The following CRPPA variants were observed in gnomAD, a reference collection of about 807,000 sequenced individuals.
CRPPA encodes D-ribitol-5-phosphate cytidylyltransferase.
A neutral mutation model predicts 52.0 loss-of-function variants in CRPPA; 43 were observed. The observed-to-expected ratio is 0.83, with a 90% CI of 0.65 to 1.07. The LOEUF (loss-of-function observed/expected upper bound fraction) is 1.07, where lower values mean the gene tolerates loss of function less well. Among genes scored for constraint, CRPPA ranks in the 50% least tolerant of loss-of-function variants. CRPPA has a pLI of 0.00. For synonymous variants in CRPPA, 250 were observed against 203.5 expected (o/e 1.23, Z -1.94); for missense variants, 629 against 551.7 (o/e 1.14, Z -1.40).
At chr7:16,273,308 C>A (rs1441795645) in intron 6 of CRPPA, among the ~76,000 whole-genome samples, 1 of 151,996 alleles carries the variant, frequency 6.6e-6, no homozygotes, top group East Asian at 1.9e-4. Context: ...GCTCTCCCTG[C>A]CTCCCATCTT....
At chr7:16,209,224 C>A (rs958897636) in intron 9 of CRPPA, 1 of 299,978 alleles carries the variant, frequency 3.3e-6, no homozygotes, top group South Asian at 2.9e-5. Context: ...GCATTTTGAA[C>A]TGGAAGGTGG....
chr7:16,218,930 C>A (rs1310868285), intron 8 of CRPPA, among the ~76,000 whole-genome samples: 1 of 152,036 alleles, frequency 6.6e-6, no homozygotes, highest in Non-Finnish European at 1.5e-5. Context: ...CTCAGCTCTG[C>A]ACCAAGCAGA....
rs187672642 is a variant in CRPPA at position 16,396,239 on chromosome 7, A to G, written c.534+9822T>C. On this transcript the variant is annotated intron_variant, in intron 2 of 9. Transcript: ENST00000407010. The stretch of plus-strand genomic sequence containing the variant: ...ATGAATAAAGCCTGACCTGAAGTAT[A>G]TTGATTACAATGGACAAGTACAAGT... 2.5e-3 allele frequency among the ~76,000 whole-genome samples: 377 copies of G among 152,376 alleles called. 4 individuals are homozygous for G. The highest frequency in any genetic ancestry group is 8.6e-3 in the African/African-American group (356 of 41,586).
chr7:16,134,041 C>A lies in CRPPA; in HGVS notation c.1252-42242G>T, dbSNP rs1206580137. ...CCGCTTCCCGGGTTCACGCCATTCT[C>A]CTGCCTCAGCCTCCCGAGCAGCTGG... On this transcript the variant is annotated intron_variant, in intron 9 of 9. Coordinates refer to ENST00000407010, the MANE Select transcript of CRPPA (RefSeq NM_001101426.4). 1.6e-5 allele frequency among the ~76,000 whole-genome samples: 2 copies of A among 123,896 alleles called. 1 individual carries two copies. The highest frequency in any genetic ancestry group is 3.7e-5 in the Non-Finnish European group (2 of 54,460). 81.3% of individuals were successfully genotyped at this position (123,896 alleles called of 152,430 possible).
intron 3 of CRPPA, among the ~76,000 whole-genome samples, chr7:16,359,066 TA>T (rs1265763688): frequency 6.6e-6 from 1 of 152,242 alleles, no homozygotes; most frequent in Non-Finnish European, 1.5e-5. Flanking sequence ...TCTACAAAAG[TA>T]GTTAATGAAA....
intron 9 of CRPPA, among the ~76,000 whole-genome samples, chr7:16,150,348 A>G (rs969834528): frequency 6.6e-6 from 1 of 152,132 alleles, no homozygotes; most frequent in Non-Finnish European, 1.5e-5. Context: ...TTTCCTGTCT[A>G]ATTAAGAAGA....
chr7:16,316,705 A>G (rs1413134060), intron 3 of CRPPA, among the ~76,000 whole-genome samples: 1 of 151,946 alleles, frequency 6.6e-6, no homozygotes, highest in African/African-American at 2.4e-5. Flanking sequence ...AAAAGGTAAA[A>G]TATTAGTCAT....
At position 16,207,037 on chromosome 7, in the gene CRPPA, C is replaced by T. The variant is rs140337781; in HGVS notation, c.1251+9029G>A. 2.6e-3 allele frequency among the ~76,000 whole-genome samples: 392 copies of T among 152,214 alleles called. 8 individuals are homozygous for T. The highest frequency in any genetic ancestry group is 0.021 in the Admixed American group (324 of 15,282). ...AACATTACACACCTTTCTGATTCTC[C>T]GTGAAGAAAGTCCTTTTATAATCCC... On this transcript the variant is annotated intron_variant, in intron 9 of 9. Transcript: ENST00000407010.
At chr7:16,200,485 C>A (rs371771928) in intron 9 of CRPPA, among the ~76,000 whole-genome samples, 2 of 152,180 alleles carry the variant, frequency 1.3e-5, no homozygotes, top group Non-Finnish European at 2.9e-5. Flanking sequence ...TAAACTTTCT[C>A]TGCAAGGCAT....
chr7:16,184,440 A>G, intron 9 of CRPPA, among the ~76,000 whole-genome samples: 1 of 152,206 alleles, frequency 6.6e-6, no homozygotes, highest in East Asian at 1.9e-4. Context: ...TTTTATTGAT[A>G]TCCCACCTGT....
intron 6 of CRPPA, among the ~76,000 whole-genome samples, chr7:16,264,422 AG>A (rs748732792): frequency 1.8e-4 from 27 of 152,244 alleles, no homozygotes; most frequent in Non-Finnish European, 8.8e-5. Context: ...ATAAGAGTTT[AG>A]GAAAGATTTA....
chr7:16,406,009 A>G, intron 2 of CRPPA, 52 bp downstream of exon 2: 5 of 1,508,192 alleles, frequency 3.3e-6, no homozygotes, highest in Non-Finnish European at 4.5e-6. Flanking sequence ...CAGCAAATGA[A>G]CCACACTACA....
intron 9 of CRPPA, among the ~76,000 whole-genome samples, chr7:16,208,096 T>G (rs17169349): frequency 6.6e-6 from 1 of 152,106 alleles, no homozygotes; most frequent in East Asian, 1.9e-4. Flanking sequence ...AGCAATTATT[T>G]TGTAACACTG....
intron 8 of CRPPA, among the ~76,000 whole-genome samples, chr7:16,246,636 T>G (rs6964341): frequency 0.013 from 1,999 of 152,316 alleles, 58 homozygotes; most frequent in African/African-American, 0.045. Context: ...TTAGCAGATA[T>G]AAAGTAACAT....
intron 9 of CRPPA, among the ~76,000 whole-genome samples, chr7:16,123,483 A>C (rs1045250344): frequency 6.6e-6 from 1 of 152,196 alleles, no homozygotes; most frequent in Non-Finnish European, 1.5e-5. Context: ...TCTGTCCAGC[A>C]ACATTCATTT....
At position 16,257,289 on chromosome 7, in the gene CRPPA, A is replaced by G. The variant is rs1407839396; in HGVS notation, c.1119+1101T>C. On this transcript the variant is annotated intron_variant, in intron 8 of 9. Coordinates refer to ENST00000407010, the MANE Select transcript of CRPPA (RefSeq NM_001101426.4). The stretch of plus-strand genomic sequence containing the variant: ...GGAAAAATGAAATTTCTAAGCAAGT[A>G]AATGTGGAGAGAGGAATAAAAGGCC... Among the ~76,000 whole-genome samples the G allele has an allele frequency of 2.0e-5, 3 of 152,240 alleles. No individual in the cohort carries two copies. The South Asian group carries it at 6.2e-4, about 32-fold the overall frequency.
intron 3 of CRPPA, among the ~76,000 whole-genome samples, chr7:16,343,718 A>C (rs1785931911): frequency 6.6e-6 from 1 of 152,198 alleles, no homozygotes; most frequent in African/African-American, 2.4e-5. Context: ...GAGACTTTGA[A>C]AACCTATTCC....
intron 9 of CRPPA, among the ~76,000 whole-genome samples, chr7:16,198,575 C>T (rs868745335): frequency 8.8e-5 from 12 of 136,116 alleles, no homozygotes; most frequent in African/African-American, 3.2e-4. Flanking sequence ...GCTGGTTCCC[C>T]GGGTCCCCTT....
chr7:16,182,128 C>A (rs1781424130), intron 9 of CRPPA, among the ~76,000 whole-genome samples: 1 of 151,972 alleles, frequency 6.6e-6, no homozygotes, highest in African/African-American at 2.4e-5. Context: ...TATCTCTTTG[C>A]ATCTGGCTGA....
Sources: allele counts gnomAD v4.1 joint callset (sites outside exome capture counted in the v4.1 genomes callset), GRCh38; gene constraint gnomAD v4.1.1; transcripts MANE v1.5; gene names NCBI Gene and HGNC (gene_info 2026-07-23, HGNC 2026-07-21).